The following ZNF454 variants were observed in gnomAD, a reference collection of about 807,000 sequenced individuals.
The protein encoded by ZNF454 is zinc finger protein 454.
Under a neutral mutation model 48.2 loss-of-function variants are expected in ZNF454, and 30 were observed. The ratio of observed to expected loss-of-function variants is 0.62; its 90% CI spans 0.47 to 0.84. The LOEUF is 0.84. Among genes scored for constraint, ZNF454 ranks in the 40% least tolerant of loss-of-function variants. ZNF454 has a pLI of 0.00. For missense variants in ZNF454, 510 were observed against 623.1 expected (o/e 0.82, Z 1.93); for synonymous variants, 204 against 211.4 (o/e 0.97, Z 0.30).
the ZNF454 span, among the ~76,000 whole-genome samples, chr5:178,974,638 C>A: frequency 2.3e-4 from 35 of 152,136 alleles, no homozygotes; most frequent in African/African-American, 8.4e-4. Flanking sequence ...TCTGTACTTA[C>A]CATTACTGCA....
chr5:178,944,999 T>C lies in ZNF454; in HGVS notation c.34-1360T>C, dbSNP rs1207004248. Among the ~76,000 whole-genome samples, 1 of 150,370 alleles carries C rather than the reference T, an allele frequency of 6.7e-6. No individual in the cohort carries two copies. The highest frequency in any genetic ancestry group is 1.5e-5 in the Non-Finnish European group (1 of 67,590). On this transcript the variant is annotated intron_variant, in intron 2 of 4. Coordinates refer to ENST00000519564, the MANE Select transcript of ZNF454 (RefSeq NM_001178089.3). The surrounding 1 kb of genome is among the most constrained non-coding windows in gnomAD (Gnocchi z 4.1). Reference sequence around the variant, plus strand: ...AATGACTGGTTCCATGGGACCCATGTGTGTGTATGCACATGTGCACACGTG... The same window carrying C: ...AATGACTGGTTCCATGGGACCCATGCGTGTGTATGCACATGTGCACACGTG...
chr5:178,960,534 A>G (rs764061516), intron 4 of ZNF454, among the ~76,000 whole-genome samples: 10 of 151,800 alleles, frequency 6.6e-5, no homozygotes, highest in Non-Finnish European at 1.0e-4. Flanking sequence ...GATTACAGGC[A>G]TGAGCCACCA....
At chr5:178,952,908 T>TC (rs1468025636) in intron 4 of ZNF454, among the ~76,000 whole-genome samples, 1 of 152,186 alleles carries the variant, frequency 6.6e-6, no homozygotes, top group Non-Finnish European at 1.5e-5. Flanking sequence ...TTCTGTTTTT[T>TC]CCCCCTTTTC....
At chr5:178,956,881 A>AT in intron 4 of ZNF454, 1 of 315,386 alleles carries the variant, frequency 3.2e-6, no homozygotes, top group Non-Finnish European at 6.4e-6. Flanking sequence ...AATTTTTTGT[A>AT]TTTTTTGTTT....
chr5:178,958,094 T>A (rs1221522460), intron 4 of ZNF454, among the ~76,000 whole-genome samples: 1 of 152,172 alleles, frequency 6.6e-6, no homozygotes, highest in Non-Finnish European at 1.5e-5. Context: ...TAAAGCAAAC[T>A]TTTTTGAAAT....
chr5:178,987,089 C>G, the ZNF454 span: 1 of 1,171,280 alleles, frequency 8.5e-7, no homozygotes, highest in Non-Finnish European at 1.2e-6. Context: ...TAACAAGCAT[C>G]ACTGCTCATA....
the ZNF454 span, among the ~76,000 whole-genome samples, chr5:178,974,186 TA>T: frequency 6.6e-6 from 1 of 152,162 alleles, no homozygotes; most frequent in African/African-American, 2.4e-5. Flanking sequence ...ATAAGATAGG[TA>T]AAGGATGCAT....
chr5:178,967,670 A>G (rs1320231523), downstream of ZNF454, among the ~76,000 whole-genome samples: 2 of 151,968 alleles, frequency 1.3e-5, no homozygotes, highest in Non-Finnish European at 2.9e-5. Context: ...TCCGTGTTCA[A>G]AAGTTTGAGT....
chr5:178,962,194 C>T (rs2113271060), intron 4 of ZNF454, among the ~76,000 whole-genome samples: 1 of 151,606 alleles, frequency 6.6e-6, no homozygotes, highest in Middle Eastern at 3.4e-3. Flanking sequence ...TCAGATGTTA[C>T]TTCATTGTCT....
At chr5:178,968,474 C>T (rs1490198469), downstream of ZNF454, among the ~76,000 whole-genome samples, 1 of 152,168 alleles carries the variant, frequency 6.6e-6, no homozygotes, top group African/African-American at 2.4e-5. Flanking sequence ...TAAAGGCCAC[C>T]TTTGTGGGCC....
rs565233204 is a variant in ZNF454, at chr5:178,962,714, C to T, written c.251-1941C>T. ...CTTTTTCTATTGTCTGTTTTTCCCTCTTCATTGAATTTCTTAGCACAGCTG... is the reference window on the plus strand; with the variant it reads ...CTTTTTCTATTGTCTGTTTTTCCCTTTTCATTGAATTTCTTAGCACAGCTG... On this transcript the variant is annotated intron_variant, in intron 4 of 4. Transcript: ENST00000519564. Among the ~76,000 whole-genome samples the T allele has an allele frequency of 4.0e-5, 6 of 151,770 alleles. No homozygotes were observed. In the South Asian group the frequency reaches 1.0e-3, roughly 26 times the overall value.
At chr5:178,959,848 A>G (rs964561506) in intron 4 of ZNF454, among the ~76,000 whole-genome samples, 18 of 151,082 alleles carry the variant, frequency 1.2e-4, no homozygotes, top group African/African-American at 3.6e-4. Context: ...CTCGTGATCC[A>G]CCCGCCTCGG....
intron 4 of ZNF454, among the ~76,000 whole-genome samples, chr5:178,953,950 GA>G (rs894169897): frequency 3.9e-5 from 6 of 152,090 alleles, no homozygotes; most frequent in Admixed American, 3.3e-4. Flanking sequence ...AGCATTTAGT[GA>G]AACTTTCCGT....
intron 4 of ZNF454, among the ~76,000 whole-genome samples, chr5:178,958,495 CT>C (rs1228344598): frequency 1.3e-5 from 2 of 152,156 alleles, no homozygotes; most frequent in African/African-American, 2.4e-5. Context: ...TTTACTGTTG[CT>C]AGACATTTGG....
In ZNF454 at chr5:178,946,585, C is replaced by CA; in HGVS notation, c.160+100_160+101insA. 3 of 1,461,154 alleles carry CA rather than the reference C, an allele frequency of 2.1e-6. No homozygotes were observed. The highest frequency in any genetic ancestry group is 2.7e-6 in the Non-Finnish European group (3 of 1,092,012). 90.5% of individuals were successfully genotyped at this position (1,461,154 alleles called of 1,614,324 possible). On this transcript the variant is annotated intron_variant, in intron 3 of 4. Transcript: ENST00000519564. The surrounding 1 kb of genome is among the most constrained non-coding windows in gnomAD (Gnocchi z 4.5). ...AAGAGTCGGTTGGACCAACTGAGGA[C>CA]GCTGTCTTCAAGGGTGCCATTAATT...
chr5:178,980,152 G>T, the ZNF454 span: 1 of 154,344 alleles, frequency 6.5e-6, no homozygotes, highest in Non-Finnish European at 1.5e-5. The surrounding 1 kb of genome is among the most constrained non-coding windows in gnomAD (Gnocchi z 4.3). Flanking sequence ...CAGAGAAGCT[G>T]CATGGGAAAG....
chr5:178,964,216 G>A (rs1328472914), intron 4 of ZNF454, among the ~76,000 whole-genome samples: 2 of 151,556 alleles, frequency 1.3e-5, no homozygotes, highest in African/African-American at 4.8e-5. Flanking sequence ...CGCCTCCCGG[G>A]TTCACACCAT....
the ZNF454 span, among the ~76,000 whole-genome samples, chr5:178,976,641 C>CT: frequency 6.6e-6 from 1 of 152,158 alleles, no homozygotes; most frequent in Non-Finnish European, 1.5e-5. Flanking sequence ...GAGACTCTGG[C>CT]TTTTAGTGAC....
At chr5:178,976,239 G>T in the ZNF454 span, 1 of 329,364 alleles carries the variant, frequency 3.0e-6, no homozygotes, top group Non-Finnish European at 6.3e-6. Context: ...TCTGTACCCT[G>T]CTCTGCTGTT....
Sources: allele counts gnomAD v4.1 joint callset (sites outside exome capture counted in the v4.1 genomes callset), GRCh38; gene constraint gnomAD v4.1.1; non-coding constraint Gnocchi (gnomAD v3.1); transcripts MANE v1.5; gene names NCBI Gene and HGNC (gene_info 2026-07-23, HGNC 2026-07-21).